The following CNTN6 variants were observed in gnomAD, a reference collection of about 807,000 sequenced individuals.
CNTN6 encodes the protein contactin 6.
CNTN6 carries 137 observed loss-of-function variants against 122.8 expected under a neutral mutation model. The observed-to-expected ratio is 1.12, with a 90% CI of 0.97 to 1.29. The LOEUF is 1.29. Ranked by LOEUF, CNTN6 falls within the 50% of genes most tolerant of loss-of-function variation. The pLI is 0.00. For missense variants in CNTN6, 1,634 were observed against 1,223.4 expected (o/e 1.34, Z -5.01); for synonymous variants, 570 against 426.0 (o/e 1.34, Z -4.16).
intron 6 of CNTN6, among the ~76,000 whole-genome samples, chr3:1,297,043 G>T (rs1427744990): frequency 6.6e-6 from 1 of 151,980 alleles, no homozygotes; most frequent in Non-Finnish European, 1.5e-5. Context: ...AAGTGAAAAA[G>T]AATAAAACCT....
chr3:1,366,391 T>G (rs188340465), intron 12 of CNTN6, among the ~76,000 whole-genome samples: 18 of 152,252 alleles, frequency 1.2e-4, no homozygotes, highest in Admixed American at 2.0e-4. Context: ...GAGAAGTGTT[T>G]CAGTGTCGAT....
chr3:1,385,758 C>G lies in CNTN6; in HGVS notation c.2665C>G (p.Pro889Ala). 6.2e-7 allele frequency: 1 copy of G among 1,613,072 alleles called. No homozygotes were observed. Among genetic ancestry groups the G allele is most frequent in the Non-Finnish European group, 8.5e-7 (1 of 1,179,608 alleles). The change falls in exon 20 of 23, where the codon CCC becomes GCC. Residue 889 changes from proline to alanine, a missense_variant. Pro to Ala is a conservative substitution (Grantham distance 27). Coordinates refer to ENST00000446702, the MANE Select transcript of CNTN6 (RefSeq NM_001289080.2). Reference sequence around the variant, plus strand: ...AGCTTACAACACTGCTGGGACAGGGCCCTCAAGCCCCCCAGTCAATGTTAC... The same window carrying G: ...AGCTTACAACACTGCTGGGACAGGGGCCTCAAGCCCCCCAGTCAATGTTAC... ...VRAYNTAGTG[P>A]SSPPVNVTTK... is the part of the protein sequence containing the mutation.
intron 4 of CNTN6, among the ~76,000 whole-genome samples, chr3:1,270,820 A>T (rs2095011889): frequency 6.6e-6 from 1 of 152,226 alleles, no homozygotes; most frequent in South Asian, 2.1e-4. Flanking sequence ...GACTTTCTAG[A>T]TAGAGAGGCA....
At chr3:1,378,241 T>G (rs1710167629) in intron 17 of CNTN6, among the ~76,000 whole-genome samples, 1 of 152,194 alleles carries the variant, frequency 6.6e-6, no homozygotes, top group South Asian at 2.1e-4. Context: ...CTCTTCACTC[T>G]GCCACCGTGG....
intron 5 of CNTN6, among the ~76,000 whole-genome samples, chr3:1,294,239 A>G (rs1276135482): frequency 6.6e-6 from 1 of 152,210 alleles, no homozygotes; most frequent in Non-Finnish European, 1.5e-5. Context: ...ATTATGGTAT[A>G]TTCATAAAAT....
intron 1 of CNTN6, among the ~76,000 whole-genome samples, chr3:1,110,043 G>T (rs2091408283): frequency 6.6e-6 from 1 of 152,034 alleles, no homozygotes; most frequent in Admixed American, 6.6e-5. Context: ...TTTTCCATTT[G>T]CTTGAATATT....
At chr3:1,156,094 CCTTTATT>C (rs1272886501) in intron 2 of CNTN6, among the ~76,000 whole-genome samples, 1 of 152,202 alleles carries the variant, frequency 6.6e-6, no homozygotes, top group African/African-American at 2.4e-5. Context: ...CTTCATGTAT[CCTTTATT>C]CAAGTCAGAC....
intron 1 of CNTN6, among the ~76,000 whole-genome samples, chr3:1,133,360 G>A (rs904499485): frequency 2.0e-5 from 3 of 152,142 alleles, no homozygotes; most frequent in Admixed American, 2.0e-4. Flanking sequence ...AATAATAGCA[G>A]CTAGTATGTA....
At chr3:1,106,750 C>G (rs564847324) in intron 1 of CNTN6, among the ~76,000 whole-genome samples, 1 of 152,098 alleles carries the variant, frequency 6.6e-6, no homozygotes, top group Non-Finnish European at 1.5e-5. Context: ...TTCCCTTTCA[C>G]TTCACATATT....
intron 2 of CNTN6, among the ~76,000 whole-genome samples, chr3:1,187,288 C>A (rs955005580): frequency 4.8e-5 from 7 of 147,052 alleles, no homozygotes; most frequent in African/African-American, 1.2e-4. Context: ...TTTTTTTTTT[C>A]TTTCTGACAC....
At chr3:1,131,623 G>T (rs569054387) in intron 1 of CNTN6, among the ~76,000 whole-genome samples, 1 of 152,134 alleles carries the variant, frequency 6.6e-6, no homozygotes, top group Non-Finnish European at 1.5e-5. Flanking sequence ...CCTCAAGGCA[G>T]TTAGCACCTG....
At chr3:1,102,196 GT>G (rs2090935196) in intron 1 of CNTN6, among the ~76,000 whole-genome samples, 1 of 152,056 alleles carries the variant, frequency 6.6e-6, no homozygotes, top group African/African-American at 2.4e-5. Flanking sequence ...GGTTTATTTG[GT>G]TTCCCATATT....
At chr3:1,114,047 A>G (rs946143343) in intron 1 of CNTN6, among the ~76,000 whole-genome samples, 15 of 152,186 alleles carry the variant, frequency 9.9e-5, no homozygotes, top group Admixed American at 6.6e-5. Context: ...TCAAAAGAGA[A>G]AGAGATGATT....
intron 4 of CNTN6, among the ~76,000 whole-genome samples, chr3:1,268,319 G>A (rs1006035372): frequency 2.0e-5 from 3 of 152,162 alleles, no homozygotes; most frequent in Non-Finnish European, 2.9e-5. Flanking sequence ...GCATAAAATA[G>A]AGAGTGGGCT....
intron 4 of CNTN6, among the ~76,000 whole-genome samples, chr3:1,244,701 T>C (rs1312285210): frequency 6.6e-6 from 1 of 152,030 alleles, no homozygotes; most frequent in Non-Finnish European, 1.5e-5. Context: ...TGGGTGCAGG[T>C]GGGCTGAGTC....
chr3:1,318,900 G>T (rs775062296), intron 7 of CNTN6, among the ~76,000 whole-genome samples: 1 of 151,742 alleles, frequency 6.6e-6, no homozygotes, highest in Non-Finnish European at 1.5e-5. Context: ...AAGTACATAG[G>T]AATCTGGGGC....
At chr3:1,205,548 G>T (rs1199977255) in intron 2 of CNTN6, among the ~76,000 whole-genome samples, 1 of 152,112 alleles carries the variant, frequency 6.6e-6, no homozygotes, top group Non-Finnish European at 1.5e-5. Flanking sequence ...ATCAAACTCA[G>T]TCTCTTTCCC....
At position 1,202,113 on chromosome 3, in the gene CNTN6, C is replaced by T. The variant is rs548214490; in HGVS notation, c.56-18574C>T. The stretch of plus-strand genomic sequence containing the variant: ...CCTGCATTTTCTTGCCAGTTCATGT[C>T]GCTGGGGAGTGTCACTTATTTCTCT... On this transcript the variant is annotated intron_variant, in intron 2 of 22. Coordinates refer to ENST00000446702, the MANE Select transcript of CNTN6 (RefSeq NM_001289080.2). 1.1e-3 allele frequency among the ~76,000 whole-genome samples: 174 copies of T among 152,248 alleles called. 1 individual carries two copies. The highest frequency in any genetic ancestry group is 1.8e-3 in the Non-Finnish European group (124 of 68,034).
intron 5 of CNTN6, among the ~76,000 whole-genome samples, chr3:1,281,462 G>A (rs1693414674): frequency 8.1e-6 from 1 of 123,790 alleles, no homozygotes; most frequent in Non-Finnish European, 1.7e-5. Context: ...CATAAAAGTT[G>A]ACTTTTTTTT....
Sources: allele counts gnomAD v4.1 joint callset (sites outside exome capture counted in the v4.1 genomes callset), GRCh38; gene constraint gnomAD v4.1.1; transcripts MANE v1.5; gene names NCBI Gene and HGNC (gene_info 2026-07-23, HGNC 2026-07-21).